The following CTBP2 variants were observed in gnomAD, a reference collection of about 807,000 sequenced individuals.
CTBP2 encodes C-terminal binding protein 2.
A neutral mutation model predicts 80.3 loss-of-function variants in CTBP2; 30 were observed. The observed-to-expected ratio is 0.37, with a 90% confidence interval of 0.28 to 0.51. CTBP2 has a LOEUF of 0.51. Among genes scored for constraint, CTBP2 ranks in the 20% least tolerant of loss-of-function variants. The probability of loss-of-function intolerance (pLI) is 0.93; values close to 1 mark genes in which losing one functional copy is unlikely to be tolerated. For missense variants in CTBP2, 1,212 were observed against 1,375.3 expected (o/e 0.88, Z 1.88); for synonymous variants, 594 against 587.4 (o/e 1.01, Z -0.16).
At position 124,998,045 on chromosome 10, in the gene CTBP2, C is replaced by T; in HGVS notation, c.2104G>A (p.Val702Ile). 6.2e-7 allele frequency: 1 copy of T among 1,613,352 alleles called. No homozygotes were observed. ...TCGCGGATCTGCTCCACGCTCTGAACCCGCGTGCCTTCCCGCAGTGCCTGG... is the reference window on the plus strand; with the variant it reads ...TCGCGGATCTGCTCCACGCTCTGAATCCGCGTGCCTTCCCGCAGTGCCTGG... The change falls in exon 4 of 9, where the codon GTT (valine) becomes ATT (isoleucine). Residue 702 changes from valine to isoleucine, a missense_variant. Val to Ile is a conservative substitution (Grantham distance 29). Around this residue, in one of 3 missense-constraint regions of CTBP2, gnomAD observed 335 missense variants for 504.7 expected, o/e 0.66. Coordinates refer to ENST00000309035, the MANE Select transcript of CTBP2 (RefSeq NM_022802.3).
chr10:125,001,189 C>G (rs1029345719), intron 3 of CTBP2: 4 of 152,264 alleles, frequency 2.6e-5, no homozygotes, highest in Admixed American at 6.5e-5. Flanking sequence ...GTTCCACAGG[C>G]AAGGACCTCC....
chr10:125,048,906 T>C (rs1235181034), intron 2 of CTBP2, among the ~76,000 whole-genome samples: 1 of 152,172 alleles, frequency 6.6e-6, no homozygotes, highest in African/African-American at 2.4e-5. Context: ...ACAAGTATGA[T>C]CTTAAGATAT....
chr10:125,098,655 GGGGAGAGAGAGAGAGAGAGA>G (rs1849944736), intron 2 of CTBP2, among the ~76,000 whole-genome samples: 1 of 24,780 alleles, frequency 4.0e-5, no homozygotes, highest in East Asian at 7.6e-4. Context: ...AATGGGGGAG[GGGGAGAGAGAGAGAGAGAGA>G]GAGAGAGAGA....
Position 124,988,533 on chromosome 10 carries a change from A to C in CTBP2, c.*985T>G, listed in dbSNP as rs1325187124. 6.6e-6 allele frequency: 1 copy of C among 152,668 alleles called. No individual in the cohort carries two copies. The highest frequency in any genetic ancestry group is 2.4e-5 in the African/African-American group (1 of 41,456). 9.5% of individuals were successfully genotyped at this position (152,668 alleles called of 1,614,324 possible). A position where few individuals can be genotyped will look rare whatever the true frequency, so the allele number is the denominator to read the frequency against. On this transcript the variant is annotated 3_prime_UTR_variant, in exon 9 of 9. Transcript: ENST00000309035. Reference sequence around the variant, plus strand: ...CCTATACAAAGGCTCAAAATAGGCCATCTTTTTAAACAAAAAGGCAATGAT... The same window carrying C: ...CCTATACAAAGGCTCAAAATAGGCCCTCTTTTTAAACAAAAAGGCAATGAT...
intron 5 of CTBP2, 135 bp downstream of exon 7, chr10:124,994,334 T>C (rs1374346043): frequency 2.3e-6 from 2 of 882,546 alleles, no homozygotes; most frequent in Non-Finnish European, 3.6e-6. Context: ...TGTCACTGGT[T>C]TGTTGCAGGG....
intron 2 of CTBP2, among the ~76,000 whole-genome samples, chr10:125,044,404 T>C (rs1960711214): frequency 6.6e-6 from 1 of 152,032 alleles, no homozygotes; most frequent in Non-Finnish European, 1.5e-5. Flanking sequence ...AGCCCACCAA[T>C]GACTTCTGCC....
intron 1 of CTBP2, among the ~76,000 whole-genome samples, chr10:125,122,490 C>T (rs760819386): frequency 6.6e-6 from 1 of 152,234 alleles, no homozygotes; most frequent in African/African-American, 2.4e-5. Context: ...CATGCCAGCA[C>T]AGCCCTCACT....
At chr10:125,091,901 T>C (rs1848817668) in intron 2 of CTBP2, among the ~76,000 whole-genome samples, 1 of 152,220 alleles carries the variant, frequency 6.6e-6, no homozygotes, top group Non-Finnish European at 1.5e-5. Flanking sequence ...TCATCAGCTT[T>C]CCCCCATGAT....
intron 1 of CTBP2, among the ~76,000 whole-genome samples, chr10:125,134,101 C>T (rs1211160722): frequency 2.0e-5 from 3 of 152,216 alleles, no homozygotes; most frequent in Non-Finnish European, 4.4e-5. Context: ...AAGTCCTGTC[C>T]TGGAGCGCTA....
At chr10:125,023,840 C>T (rs1273410790) in intron 1 of CTBP2, among the ~76,000 whole-genome samples, 1 of 152,176 alleles carries the variant, frequency 6.6e-6, no homozygotes, top group Non-Finnish European at 1.5e-5. Context: ...TCCCCAAACC[C>T]CAAACCACCC....
chr10:125,055,600 A>G (rs1590374358), intron 2 of CTBP2, among the ~76,000 whole-genome samples: 3 of 152,298 alleles, frequency 2.0e-5, no homozygotes, highest in Admixed American at 6.5e-5. Context: ...ACTGAGCCAC[A>G]CCAGCCAGAT....
In CTBP2 at chr10:125,026,825, T is replaced by A; in HGVS notation, c.935A>T (p.Gln312Leu). The A allele has an allele frequency of 6.2e-7, 1 of 1,613,494 alleles. No homozygotes were observed. Among genetic ancestry groups the A allele is most frequent in the South Asian group, 1.1e-5 (1 of 91,088 alleles). Residue 312 changes from glutamine (Q) to leucine (L), a missense_variant, in exon 1 of 9, where the codon CAG becomes CTG. By Grantham distance (113) the Gln-to-Leu change is moderately radical. Coordinates refer to ENST00000309035, the MANE Select transcript of CTBP2 (RefSeq NM_022802.3). Reference sequence around the variant, plus strand: ...GACGGCCGGGGAGTCAAAGCCCTGCTGCAGTAGGGCTCCCAGCGTGGCCTC... The same window carrying A: ...GACGGCCGGGGAGTCAAAGCCCTGCAGCAGTAGGGCTCCCAGCGTGGCCTC...
intron 3 of CTBP2, among the ~76,000 whole-genome samples, chr10:125,038,526 G>C (rs1564773902): frequency 6.6e-6 from 1 of 152,132 alleles, no homozygotes; most frequent in Non-Finnish European, 1.5e-5. Flanking sequence ...TTCATGAACA[G>C]AACACTTCCA....
At chr10:125,012,582 G>T (rs1332520879) in intron 1 of CTBP2, among the ~76,000 whole-genome samples, 1 of 152,168 alleles carries the variant, frequency 6.6e-6, no homozygotes, top group Non-Finnish European at 1.5e-5. Flanking sequence ...TCGTGTGGCC[G>T]ATCCTCCAAG....
intron 4 of CTBP2, chr10:124,997,617 C>T: frequency 3.1e-6 from 1 of 323,188 alleles, no homozygotes; most frequent in Non-Finnish European, 5.8e-6. Context: ...CTGGCTGCTG[C>T]TTTACGACAC....
chr10:125,106,312 C>T (rs539726642), intron 2 of CTBP2, among the ~76,000 whole-genome samples: 4 of 152,308 alleles, frequency 2.6e-5, no homozygotes, highest in South Asian at 2.1e-4. Context: ...TCAAAGCCCC[C>T]GGGAAGCCAT....
At chr10:125,128,210 G>A (rs774243082) in intron 1 of CTBP2, among the ~76,000 whole-genome samples, 5 of 152,152 alleles carry the variant, frequency 3.3e-5, no homozygotes, top group Admixed American at 3.3e-4. Context: ...GACAGCATGT[G>A]CTACCATGTG....
chr10:125,072,344 G>A (rs994332860), intron 2 of CTBP2, among the ~76,000 whole-genome samples: 3 of 152,066 alleles, frequency 2.0e-5, no homozygotes, highest in African/African-American at 7.2e-5. Context: ...GCTGGGTGCA[G>A]TGACTCACGT....
At chr10:125,060,677 A>T (rs1964798042) in intron 2 of CTBP2, among the ~76,000 whole-genome samples, 1 of 152,208 alleles carries the variant, frequency 6.6e-6, no homozygotes, top group Non-Finnish European at 1.5e-5. Context: ...GATTGGGTGT[A>T]TTCTGCGTGG....
Sources: gnomAD v4.1 joint callset for allele counts (sites outside exome capture counted in the v4.1 genomes callset) on GRCh38, gnomAD v4.1.1 for gene constraint, gnomAD v4.1.1 regional missense constraint, MANE v1.5 for transcripts, NCBI Gene and HGNC (gene_info 2026-07-23, HGNC 2026-07-21) for gene names.